The following HIBADH variants were observed in gnomAD, a reference collection of about 807,000 sequenced individuals.
HIBADH encodes the protein 3-hydroxyisobutyrate dehydrogenase, mitochondrial.
HIBADH carries 25 observed loss-of-function variants against 36.1 expected under a neutral mutation model. The observed-to-expected ratio is 0.69, with a 90% CI of 0.50 to 0.97. HIBADH has a LOEUF of 0.97. Among genes scored for constraint, HIBADH ranks in the 50% least tolerant of loss-of-function variants. The pLI is 0.00. For synonymous variants in HIBADH, 160 were observed against 149.5 expected (o/e 1.07, Z -0.51); for missense variants, 421 against 418.0 (o/e 1.01, Z -0.06).
intron 4 of HIBADH, among the ~76,000 whole-genome samples, chr7:27,573,134 G>C (rs1018403910): frequency 6.6e-6 from 1 of 152,172 alleles, no homozygotes; most frequent in African/African-American, 2.4e-5. Context: ...GCAGAAAATT[G>C]TAAGTAGCTG....
chr7:27,628,072 C>A (rs1398202924), intron 4 of HIBADH, among the ~76,000 whole-genome samples: 1 of 152,108 alleles, frequency 6.6e-6, no homozygotes, highest in Non-Finnish European at 1.5e-5. Flanking sequence ...TAAGAAAGAT[C>A]TGTTCAGTTT....
At chr7:27,577,629 G>A (rs1784731930) in intron 4 of HIBADH, among the ~76,000 whole-genome samples, 1 of 152,140 alleles carries the variant, frequency 6.6e-6, no homozygotes, top group Non-Finnish European at 1.5e-5. Flanking sequence ...TTTCAGAAAG[G>A]CTCGCAATAT....
intron 4 of HIBADH, among the ~76,000 whole-genome samples, chr7:27,605,460 T>C (rs1300090512): frequency 7.1e-6 from 1 of 140,378 alleles, no homozygotes; most frequent in Non-Finnish European, 1.5e-5. Flanking sequence ...CTGACACTTT[T>C]TTTTTTTTTT....
At chr7:27,577,164 CTCT>C (rs1293375767) in intron 4 of HIBADH, among the ~76,000 whole-genome samples, 1 of 143,880 alleles carries the variant, frequency 7.0e-6, no homozygotes, top group Non-Finnish European at 1.5e-5. Flanking sequence ...CATCATTTCT[CTCT>C]TTTTTTTTTT....
chr7:27,618,410 A>G (rs1345699097), intron 4 of HIBADH, among the ~76,000 whole-genome samples: 1 of 152,222 alleles, frequency 6.6e-6, no homozygotes, highest in Non-Finnish European at 1.5e-5. Flanking sequence ...CCTGTATTGC[A>G]GCCACAACCA....
chr7:27,622,003 CCAGCACTTTGGGAG>C (rs1785553454), intron 4 of HIBADH, among the ~76,000 whole-genome samples: 1 of 130,010 alleles, frequency 7.7e-6, no homozygotes, highest in African/African-American at 3.5e-5. Context: ...CTTTGGGAGG[CCAGCACTTTGGGAG>C]GCCAAGGTAG....
At position 27,649,554 on chromosome 7, in the gene HIBADH, A is replaced by AT; in HGVS notation, c.170dup (p.Asn57LysfsTer13). On this transcript the variant is annotated frameshift_variant, in exon 2 of 8. Coordinates refer to ENST00000265395, the MANE Select transcript of HIBADH (RefSeq NM_152740.4). LOFTEE classifies it high-confidence loss of function. ...TAAGTGGATAGCCATGTTTCATGAG[A>AT]TTTTTTGCCATTGGATTCCCCATGT... 1 of 1,613,916 alleles carries AT rather than the reference A, an allele frequency of 6.2e-7. No homozygotes were observed. Among genetic ancestry groups the AT allele is most frequent in the Non-Finnish European group, 8.5e-7 (1 of 1,179,882 alleles).
At chr7:27,628,522 C>T (rs1336415162) in intron 4 of HIBADH, among the ~76,000 whole-genome samples, 1 of 151,994 alleles carries the variant, frequency 6.6e-6, no homozygotes, top group Non-Finnish European at 1.5e-5. Flanking sequence ...ATACTATAAT[C>T]CTGCCATTCC....
At chr7:27,655,079 T>C (rs1038970129) in intron 1 of HIBADH, among the ~76,000 whole-genome samples, 3 of 152,222 alleles carry the variant, frequency 2.0e-5, no homozygotes, top group African/African-American at 7.2e-5. Context: ...CATATATCAC[T>C]ATATTGCTAA....
At chr7:27,547,613 C>T (rs1298770904) in intron 4 of HIBADH, among the ~76,000 whole-genome samples, 1 of 151,958 alleles carries the variant, frequency 6.6e-6, no homozygotes, top group Non-Finnish European at 1.5e-5. Flanking sequence ...AAGATATGCA[C>T]AAGATGCCAA....
At chr7:27,596,159 AG>A in intron 4 of HIBADH, among the ~76,000 whole-genome samples, 1 of 152,174 alleles carries the variant, frequency 6.6e-6, no homozygotes. Flanking sequence ...TTGTCTGGTG[AG>A]GGTTCCAGCT....
chr7:27,567,681 G>T (rs530006149), intron 4 of HIBADH, among the ~76,000 whole-genome samples: 2 of 119,988 alleles, frequency 1.7e-5, no homozygotes, highest in African/African-American at 6.9e-5. Context: ...CTGACCTAGG[G>T]ATTACAATAT....
At chr7:27,553,109 T>A (rs1232332517) in intron 4 of HIBADH, among the ~76,000 whole-genome samples, 1 of 152,212 alleles carries the variant, frequency 6.6e-6, no homozygotes, top group African/African-American at 2.4e-5. Flanking sequence ...AAATAAACTA[T>A]AGCTGATTAG....
chr7:27,621,477 A>G (rs932283216), intron 4 of HIBADH, among the ~76,000 whole-genome samples: 6 of 152,210 alleles, frequency 3.9e-5, no homozygotes, highest in Admixed American at 3.3e-4. Flanking sequence ...AGGCCACAAA[A>G]TAAGTCTGAA....
chr7:27,574,766 AAC>A (rs2128188535), intron 4 of HIBADH, among the ~76,000 whole-genome samples: 1 of 152,348 alleles, frequency 6.6e-6, no homozygotes, highest in Non-Finnish European at 1.5e-5. Flanking sequence ...TTTTTACCAA[AAC>A]ACAAGCAATC....
chr7:27,570,467 C>G (rs1784612447), intron 4 of HIBADH, among the ~76,000 whole-genome samples: 1 of 152,094 alleles, frequency 6.6e-6, no homozygotes, highest in Admixed American at 6.6e-5. Context: ...GATATTTTTA[C>G]ACGATATTCT....
intron 4 of HIBADH, among the ~76,000 whole-genome samples, chr7:27,613,676 T>TTA (rs1785375327): frequency 6.6e-6 from 1 of 151,466 alleles, no homozygotes; most frequent in Non-Finnish European, 1.5e-5. Context: ...TTTTTTTTTT[T>TTA]TGAGACAGGT....
chr7:27,662,554 A>T (rs1374651767), intron 1 of HIBADH, 144 bp downstream of exon 1: 2 of 439,598 alleles, frequency 4.5e-6, no homozygotes, highest in Non-Finnish European at 8.0e-6. Flanking sequence ...AGAAAAGGAC[A>T]GGCCTTTAGT....
chr7:27,576,189 C>T (rs1166408566), intron 4 of HIBADH, among the ~76,000 whole-genome samples: 1 of 152,132 alleles, frequency 6.6e-6, no homozygotes, highest in Non-Finnish European at 1.5e-5. Context: ...TGATCATAAC[C>T]ATTACACCTA....
Sources: allele counts gnomAD v4.1 joint callset (sites outside exome capture counted in the v4.1 genomes callset), GRCh38; gene constraint gnomAD v4.1.1; transcripts MANE v1.5; gene names NCBI Gene and HGNC (gene_info 2026-07-23, HGNC 2026-07-21).